Variants in TMEM117 observed in about 807,000 individuals in gnomAD.
TMEM117 encodes the protein transmembrane protein 117.
TMEM117 carries 27 observed loss-of-function variants against 52.4 expected under a neutral mutation model. The observed-to-expected ratio is 0.51, with a 90% CI of 0.38 to 0.71. The LOEUF (loss-of-function observed/expected upper bound fraction) is 0.71. TMEM117 is among the 30% of genes least tolerant of loss of function. The probability of loss-of-function intolerance (pLI) is 0.00; values close to 1 mark genes in which losing one functional copy is unlikely to be tolerated. For missense variants in TMEM117, 556 were observed against 630.5 expected, an observed-to-expected ratio of 0.88 and a Z score of 1.26; for synonymous variants, 215 against 206.3, an observed-to-expected ratio of 1.04 and a Z score of -0.36.
At chr12:44,044,220 G>C (rs1946846491) in intron 3 of TMEM117, among the ~76,000 whole-genome samples, 2 of 152,232 alleles carry the variant, frequency 1.3e-5, no homozygotes, top group Admixed American at 6.5e-5. Flanking sequence ...TGAGGTGTCA[G>C]TGGCAGATAG....
chr12:44,349,231 A>G (rs1212927306), intron 6 of TMEM117, among the ~76,000 whole-genome samples: 1 of 151,894 alleles, frequency 6.6e-6, no homozygotes, highest in Non-Finnish European at 1.5e-5. Context: ...ATGTATGTTT[A>G]ATTCTTTTCT....
At chr12:43,956,690 CTT>C (rs1945314189) in intron 3 of TMEM117, among the ~76,000 whole-genome samples, 2 of 152,158 alleles carry the variant, frequency 1.3e-5, no homozygotes, top group East Asian at 1.9e-4. Flanking sequence ...AATAGAAACA[CTT>C]TTACACTGTT....
Position 44,051,305 on chromosome 12 carries a change from CTAATAA to C in TMEM117, c.411-92212_411-92207del, listed in dbSNP as rs542055294. Among the ~76,000 whole-genome samples the C allele has an allele frequency of 6.6e-5, 10 of 152,116 alleles. No individual in the cohort carries two copies. In the East Asian group the frequency reaches 1.5e-3, roughly 24 times the overall value. On this transcript the variant is annotated intron_variant, in intron 3 of 7. Coordinates refer to ENST00000266534, the MANE Select transcript of TMEM117 (RefSeq NM_032256.3). ...GTAATTTGATGTGAGAGGGAGGATA[CTAATAA>C]TAATAATGACAGTAATAATAATAGA...
intron 4 of TMEM117, among the ~76,000 whole-genome samples, chr12:44,151,778 T>G (rs1948729049): frequency 6.8e-6 from 1 of 146,964 alleles, no homozygotes; most frequent in African/African-American, 2.5e-5. Flanking sequence ...TTCTTTCACC[T>G]TTTATTTAGT....
intron 2 of TMEM117, among the ~76,000 whole-genome samples, chr12:43,885,527 G>GA (rs1251545615): frequency 2.0e-5 from 3 of 150,540 alleles, no homozygotes; most frequent in Non-Finnish European, 3.0e-5. Context: ...AGCCAAGAGG[G>GA]AAAAAAAGAA....
At chr12:43,959,387 A>G (rs183881240) in intron 3 of TMEM117, among the ~76,000 whole-genome samples, 1 of 152,242 alleles carries the variant, frequency 6.6e-6, no homozygotes, top group Non-Finnish European at 1.5e-5. Context: ...GCTTCAGCAC[A>G]TAATTTTTCT....
chr12:43,993,798 G>A (rs1036212930), intron 3 of TMEM117, among the ~76,000 whole-genome samples: 3 of 152,116 alleles, frequency 2.0e-5, no homozygotes, highest in African/African-American at 2.4e-5. Flanking sequence ...GGGCTCAAGT[G>A]ATTCTCCCAA....
rs570893952 is a variant in TMEM117 at position 44,144,492 on chromosome 12, G to A, written c.510+868G>A. 2.0e-5 allele frequency among the ~76,000 whole-genome samples: 3 copies of A among 152,306 alleles called. No homozygotes were observed. In the East Asian group the frequency reaches 5.8e-4, roughly 29 times the overall value. On this transcript the variant is annotated intron_variant, in intron 4 of 7. Coordinates refer to ENST00000266534, the MANE Select transcript of TMEM117 (RefSeq NM_032256.3). ...CCTGACTCAGACAAGACTTGGCATG[G>A]ACATGTCCCTGCAGATATGTCCCAG...
In TMEM117 at chr12:44,057,144, G is replaced by A. The variant is rs573534428; in HGVS notation, c.411-86381G>A. Among the ~76,000 whole-genome samples the A allele has an allele frequency of 5.3e-5, 8 of 152,256 alleles. No individual in the cohort carries two copies. The South Asian group carries it at 8.3e-4, about 16-fold the overall frequency. ...CTTTGAGGTGTTGAATCTGAGAGGT[G>A]GCTATGTTTTGTGAACTTCAGCTCC... On this transcript the variant is annotated intron_variant, in intron 3 of 7. Transcript: ENST00000266534.
At chr12:44,381,883 C>T (rs1027223902) in intron 7 of TMEM117, among the ~76,000 whole-genome samples, 14 of 152,142 alleles carry the variant, frequency 9.2e-5, no homozygotes, top group Non-Finnish European at 1.3e-4. Flanking sequence ...GCCAGTGGTT[C>T]CTCCAGCAGA....
the TMEM117 span, chr12:43,797,645 C>A: frequency 3.2e-6 from 5 of 1,546,522 alleles, no homozygotes; most frequent in East Asian, 1.1e-4. Flanking sequence ...TAATAATAAA[C>A]CCTATATGAG....
At chr12:44,272,627 T>C (rs1204714753) in intron 5 of TMEM117, among the ~76,000 whole-genome samples, 6 of 152,090 alleles carry the variant, frequency 3.9e-5, no homozygotes, top group Non-Finnish European at 8.8e-5. Flanking sequence ...AAAATGCTCA[T>C]CATCACTGGC....
At chr12:44,007,796 G>T (rs1159627595) in intron 3 of TMEM117, among the ~76,000 whole-genome samples, 1 of 152,154 alleles carries the variant, frequency 6.6e-6, no homozygotes, top group Non-Finnish European at 1.5e-5. Context: ...GTAAAGAGGA[G>T]TTCCCCTGCA....
At chr12:44,310,389 A>G (rs969295588) in intron 6 of TMEM117, among the ~76,000 whole-genome samples, 1 of 152,224 alleles carries the variant, frequency 6.6e-6, no homozygotes, top group African/African-American at 2.4e-5. Flanking sequence ...CTCTAATCCC[A>G]GCACTTTGGG....
At chr12:44,348,224 A>G (rs1951513965) in intron 6 of TMEM117, among the ~76,000 whole-genome samples, 1 of 151,628 alleles carries the variant, frequency 6.6e-6, no homozygotes, top group African/African-American at 2.4e-5. Context: ...GGTTTAAGAT[A>G]TAAAGGAATA....
intron 2 of TMEM117, among the ~76,000 whole-genome samples, chr12:43,937,625 A>C (rs1351874870): frequency 6.6e-6 from 1 of 152,208 alleles, no homozygotes; most frequent in Non-Finnish European, 1.5e-5. Flanking sequence ...GTTGGGGAGG[A>C]GAGCAGCTTA....
intron 4 of TMEM117, among the ~76,000 whole-genome samples, chr12:44,202,793 C>CA (rs60018269): frequency 3.5e-5 from 5 of 142,924 alleles, no homozygotes; most frequent in Non-Finnish European, 3.1e-5. Context: ...GAAGTGGTAG[C>CA]TTTTTTTTTT....
the TMEM117 span, among the ~76,000 whole-genome samples, chr12:43,819,022 A>G: frequency 6.6e-6 from 1 of 152,214 alleles, no homozygotes; most frequent in Non-Finnish European, 1.5e-5. Context: ...ATAGATTGAG[A>G]ACACAGGGTT....
intron 2 of TMEM117, among the ~76,000 whole-genome samples, chr12:43,868,397 A>T (rs1017839988): frequency 2.3e-5 from 3 of 132,688 alleles, no homozygotes; most frequent in Non-Finnish European, 5.0e-5. Context: ...TAATAATAAT[A>T]AAAAAAAAGC....
Sources: allele counts gnomAD v4.1 joint callset (sites outside exome capture counted in the v4.1 genomes callset), GRCh38; gene constraint gnomAD v4.1.1; transcripts MANE v1.5; gene names NCBI Gene and HGNC (gene_info 2026-07-23, HGNC 2026-07-21).